Variants in ARMC10 observed in about 807,000 individuals in gnomAD.
ARMC10 encodes the protein armadillo repeat containing 10.
Under a neutral mutation model 30.2 loss-of-function variants are expected in ARMC10, and 23 were observed. That is an observed-to-expected ratio of 0.76 (90% CI 0.55 to 1.08). The LOEUF (loss-of-function observed/expected upper bound fraction) is 1.08, where lower values mean the gene tolerates loss of function less well. Among genes scored for constraint, ARMC10 ranks in the 50% least tolerant of loss-of-function variants. ARMC10 has a pLI of 0.00. For synonymous variants in ARMC10, 111 were observed against 164.4 expected, an observed-to-expected ratio of 0.68 and a Z score of 2.48; for missense variants, 303 against 413.7, an observed-to-expected ratio of 0.73 and a Z score of 2.32.
At chr7:103,079,370 A>C (rs913618826) in intron 2 of ARMC10, among the ~76,000 whole-genome samples, 1 of 152,250 alleles carries the variant, frequency 6.6e-6, no homozygotes, top group African/African-American at 2.4e-5. Context: ...TCTGATAAAA[A>C]CTTGCAGCAA....
chr7:103,082,505 A>AT (rs200344015), intron 2 of ARMC10, among the ~76,000 whole-genome samples: 9 of 28,880 alleles, frequency 3.1e-4, no homozygotes, highest in South Asian at 5.7e-3. Context: ...TTATTTACTT[A>AT]TTTTTTTTTT....
At chr7:103,092,330 CAAA>C (rs772073727) in intron 4 of ARMC10, 144 bp from the exon 5 acceptor site, 1,196 of 232,314 alleles carry the variant, frequency 5.1e-3, no homozygotes, top group East Asian at 8.1e-3. Flanking sequence ...GACTCCGTCT[CAAA>C]AAAAAAAAAA....
chr7:103,075,911 C>A, intron 2 of ARMC10, 30 bp downstream of exon 2: 2 of 1,476,264 alleles, frequency 1.4e-6, no homozygotes, highest in East Asian at 2.5e-5. Context: ...GAACAGTTGT[C>A]TGCGCGAGAC....
intron 6 of ARMC10, 128 bp from the exon 7 acceptor site, chr7:103,098,171 A>G (rs117891931): frequency 0.017 from 18,352 of 1,068,854 alleles, 189 homozygotes; most frequent in Non-Finnish European, 0.021. Context: ...TGTGAGATAC[A>G]TTTTAAATGT....
chr7:103,098,733 T>C lies in ARMC10; in HGVS notation c.*180T>C. The C allele has an allele frequency of 1.1e-6, 1 of 890,076 alleles. No individual in the cohort carries two copies. The highest frequency in any genetic ancestry group is 1.6e-6 in the Non-Finnish European group (1 of 614,076). 55.1% of individuals were successfully genotyped at this position (890,076 alleles called of 1,614,324 possible). ...TTGGACTATTTTGATGCCAAGTGAA[T>C]ATAAGAGCTTGTACTGAAACCATTT... is the stretch of plus-strand genomic sequence containing the variant. On this transcript the variant is annotated 3_prime_UTR_variant, in exon 7 of 7. Transcript: ENST00000323716.
intron 2 of ARMC10, among the ~76,000 whole-genome samples, chr7:103,076,202 A>G (rs1799793520): frequency 6.6e-6 from 1 of 152,220 alleles, no homozygotes; most frequent in African/African-American, 2.4e-5. Flanking sequence ...CTGGACAGAT[A>G]GAACCGATTT....
chr7:103,089,885 ACT>A (rs1031911150), intron 4 of ARMC10, among the ~76,000 whole-genome samples: 4 of 152,222 alleles, frequency 2.6e-5, no homozygotes, highest in Admixed American at 2.0e-4. Flanking sequence ...GCATGATGCA[ACT>A]CTTGTTCTAA....
chr7:103,075,459 G>A (rs537569156), intron 1 of ARMC10, 48 bp downstream of exon 1: 2 of 1,274,948 alleles, frequency 1.6e-6, no homozygotes, highest in East Asian at 2.9e-5. Flanking sequence ...GGGCAGGGGG[G>A]CTCCCCAGGC....
Position 103,075,469 on chromosome 7 carries a change from C to T in ARMC10, c.139+58C>T, listed in dbSNP as rs1799632825. Reference sequence around the variant, plus strand: ...GGACTGGGCAGGGGGGCTCCCCAGGCCGGGGTGGTGGCTTGCGTGTGCTCG... The same window carrying T: ...GGACTGGGCAGGGGGGCTCCCCAGGTCGGGGTGGTGGCTTGCGTGTGCTCG... On this transcript the variant is annotated intron_variant, in intron 1 of 6. Coordinates refer to ENST00000323716, the MANE Select transcript of ARMC10 (RefSeq NM_031905.5). 8.7e-6 allele frequency: 11 copies of T among 1,267,124 alleles called. No individual in the cohort carries two copies. In the Middle Eastern group the frequency reaches 1.8e-3, roughly 206 times the overall value. The allele number at this position is 1,267,124 out of a possible 1,614,324, so 78.5% of individuals were successfully genotyped here.
rs142543653 is a variant in ARMC10, at chr7:103,098,335, G to A, written c.814G>A (p.Val272Ile). 27 of 1,609,398 alleles carry A rather than the reference G, an allele frequency of 1.7e-5. No homozygotes were observed. Among genetic ancestry groups the A allele is most frequent in the Non-Finnish European group, 2.1e-5 (25 of 1,178,404 alleles). The change falls in exon 7 of 7, where the codon GTA becomes ATA. Residue 272 changes from valine to isoleucine, a missense_variant. Val to Ile is a conservative substitution (Grantham distance 29, BLOSUM62 3). Coordinates refer to ENST00000323716, the MANE Select transcript of ARMC10 (RefSeq NM_031905.5). ...ATTCCTTTCCCTTTATGACAGCCACGTAGCAAAGGAGATTCTTCTTCGAGT... is the reference window on the plus strand; with the variant it reads ...ATTCCTTTCCCTTTATGACAGCCACATAGCAAAGGAGATTCTTCTTCGAGT... ...SSFLSLYDSH[V>I]AKEILLRVLT...
At chr7:103,091,739 A>G (rs986897196) in intron 4 of ARMC10, among the ~76,000 whole-genome samples, 1 of 152,188 alleles carries the variant, frequency 6.6e-6, no homozygotes, top group Non-Finnish European at 1.5e-5. Context: ...GACCAGTTGA[A>G]ACCGAAAGGT....
In ARMC10 at chr7:103,075,842, G is replaced by A. The variant is rs1190554307; in HGVS notation, c.205G>A (p.Gly69Ser). Residue 69 changes from glycine (G) to serine (S), a missense_variant, in exon 2 of 7, where the codon GGT (glycine) becomes AGT (serine). By Grantham distance (56) the Gly-to-Ser change is moderately conservative. Around this residue, in one of 4 missense-constraint regions of ARMC10, gnomAD observed 96 missense variants for 84.2 expected, o/e 1.14. Transcript: ENST00000323716. Reference sequence around the variant, plus strand: ...GCGCTCGGCCCGGCCTCAGACGGGAGGTACCTGGGAGTCACAGTGGTCCAA... The same window carrying A: ...GCGCTCGGCCCGGCCTCAGACGGGAAGTACCTGGGAGTCACAGTGGTCCAA... ...CGRSARPQTGGTWESQWSKTS... is the reference protein window; with the variant it reads ...CGRSARPQTGSTWESQWSKTS... The A allele has an allele frequency of 2.5e-6, 4 of 1,611,474 alleles. No individual in the cohort carries two copies. Among genetic ancestry groups the A allele is most frequent in the East Asian group, 2.2e-5 (1 of 44,722 alleles).
chr7:103,092,362 T>G (rs1801419761), intron 4 of ARMC10, 115 bp from the exon 5 acceptor site: 1 of 552,502 alleles, frequency 1.8e-6, no homozygotes, highest in Admixed American at 3.9e-5. Context: ...GTCGTATTTT[T>G]TGAGGAGTCG....
Position 103,075,429 on chromosome 7 carries a change from C to A in ARMC10, c.139+18C>A. ...GTCCGCAGGTGGGACCCCGGGGTTTCCGGCAGGTGGGCGGGGACTGGGCAG... is the reference window on the plus strand; with the variant it reads ...GTCCGCAGGTGGGACCCCGGGGTTTACGGCAGGTGGGCGGGGACTGGGCAG... On this transcript the variant is annotated intron_variant, in intron 1 of 6. Coordinates refer to ENST00000323716, the MANE Select transcript of ARMC10 (RefSeq NM_031905.5). 7.8e-7 allele frequency: 1 copy of A among 1,288,760 alleles called. No homozygotes were observed. Among genetic ancestry groups the A allele is most frequent in the Non-Finnish European group, 9.8e-7 (1 of 1,015,896 alleles). 79.8% of individuals were successfully genotyped at this position (1,288,760 alleles called of 1,614,324 possible).
intron 3 of ARMC10, chr7:103,084,051 G>T: frequency 6.7e-7 from 1 of 1,497,494 alleles, no homozygotes. Flanking sequence ...GTTGGTCACT[G>T]GCATCACATT....
intron 2 of ARMC10, 88 bp from the exon 3 acceptor site, chr7:103,083,594 C>T: frequency 8.2e-7 from 1 of 1,226,522 alleles, no homozygotes; most frequent in East Asian, 2.4e-5. Flanking sequence ...CCACCGCACA[C>T]CAGCCTGGGT....
chr7:103,084,501 G>A (rs939611634), intron 3 of ARMC10, among the ~76,000 whole-genome samples: 11 of 152,172 alleles, frequency 7.2e-5, no homozygotes, highest in African/African-American at 2.4e-4. Flanking sequence ...AACGTATAGG[G>A]AGATAGAGAA....
In ARMC10 at chr7:103,078,643, A is replaced by G. The variant is rs144721431; in HGVS notation, c.244+2762A>G. The stretch of plus-strand genomic sequence containing the variant: ...CATCATCACGCTTAGATTTCAGAAG[A>G]TGATCTTTTGTTTTTTGTTTGTTTT... On this transcript the variant is annotated intron_variant, in intron 2 of 6. Coordinates refer to ENST00000323716, the MANE Select transcript of ARMC10 (RefSeq NM_031905.5). Among the ~76,000 whole-genome samples, 5 of 152,232 alleles carry G rather than the reference A, an allele frequency of 3.3e-5. No homozygotes were observed. The East Asian group carries it at 9.7e-4, about 29-fold the overall frequency.
At chr7:103,090,625 G>A (rs1219359553) in intron 4 of ARMC10, among the ~76,000 whole-genome samples, 1 of 151,906 alleles carries the variant, frequency 6.6e-6, no homozygotes, top group African/African-American at 2.4e-5. Flanking sequence ...AGCATCCTGA[G>A]TAGCTGGGAT....
Sources: gnomAD v4.1 joint callset for allele counts (sites outside exome capture counted in the v4.1 genomes callset) on GRCh38, gnomAD v4.1.1 for gene constraint, gnomAD v4.1.1 regional missense constraint, MANE v1.5 for transcripts, NCBI Gene and HGNC (gene_info 2026-07-23, HGNC 2026-07-21) for gene names.